FAAH2: variants seen among roughly 807,000 people sequenced by gnomAD.
The protein encoded by FAAH2 is fatty acid amide hydrolase 2.
FAAH2 carries 60 observed loss-of-function variants against 36.9 expected under a neutral mutation model. The observed-to-expected ratio is 1.63, with a 90% CI of 1.32 to 2.02. The LOEUF is 2.02. FAAH2 is among the 30% of genes most tolerant of loss of function. FAAH2 has a pLI of 0.00. For missense variants in FAAH2, 689 were observed against 397.5 expected (o/e 1.73, Z -6.23); for synonymous variants, 214 against 143.8 (o/e 1.49, Z -3.49).
At chrX:57,139,254 A>T in the FAAH2 span, among the ~76,000 whole-genome samples, 4 of 112,265 alleles carry the variant, frequency 3.6e-5, no homozygotes, top group Non-Finnish European at 7.5e-5. Flanking sequence ...AGATATGTCT[A>T]GTTTCATTCT....
chrX:57,257,254 G>T, the FAAH2 span, among the ~76,000 whole-genome samples: 1 of 111,951 alleles, frequency 8.9e-6, no homozygotes, highest in Non-Finnish European at 1.9e-5. Flanking sequence ...TATTTTTATT[G>T]TGGTACTATT....
the FAAH2 span, among the ~76,000 whole-genome samples, chrX:57,238,003 A>G: frequency 9.0e-6 from 1 of 111,703 alleles, no homozygotes; most frequent in Non-Finnish European, 1.9e-5. Flanking sequence ...CATAGCAGGT[A>G]TTGGCAAGGT....
At chrX:57,213,466 T>A in the FAAH2 span, among the ~76,000 whole-genome samples, 2 of 111,992 alleles carry the variant, frequency 1.8e-5, no homozygotes. Flanking sequence ...ATGCATTTAA[T>A]GCTATAAACT....
intron 10 of FAAH2, among the ~76,000 whole-genome samples, chrX:57,466,156 C>CTCTCTCTATATATATATATATATATATA (rs1287266105): frequency 1.5e-5 from 1 of 66,415 alleles, no homozygotes; most frequent in African/African-American, 5.9e-5. Context: ...CTCTCTCTCT[C>CTCTCTCTATATATATATATATATATATA]TATATATATA....
chrX:57,416,023 G>C (rs2055833366), intron 7 of FAAH2, among the ~76,000 whole-genome samples: 1 of 111,058 alleles, frequency 9.0e-6, no homozygotes, highest in Admixed American at 9.7e-5. Context: ...TTTAAAATCT[G>C]TTTTATTAGA....
chrX:57,300,221 AG>A (rs1378746410), intron 2 of FAAH2, among the ~76,000 whole-genome samples: 1 of 111,875 alleles, frequency 8.9e-6, no homozygotes, highest in Non-Finnish European at 1.9e-5. Context: ...ACAAGGCTAC[AG>A]TAATCAAAAC....
At chrX:57,482,445 C>T (rs2057396883) in intron 10 of FAAH2, among the ~76,000 whole-genome samples, 1 of 111,567 alleles carries the variant, frequency 9.0e-6, no homozygotes, top group Non-Finnish European at 1.9e-5. Flanking sequence ...GCATAGTAAC[C>T]TAGCTGGGTA....
At chrX:57,448,780 G>A in intron 10 of FAAH2, 62 bp downstream of exon 10, 2 of 1,085,056 alleles carry the variant, frequency 1.8e-6, no homozygotes, top group East Asian at 3.0e-5. Flanking sequence ...TGTTTCCAAG[G>A]AAAGCATAAT....
chrX:57,267,585 G>A, the FAAH2 span, among the ~76,000 whole-genome samples: 1 of 112,097 alleles, frequency 8.9e-6, no homozygotes, highest in African/African-American at 3.2e-5. Context: ...CCCACAGGGA[G>A]GCAGGTACCC....
intron 5 of FAAH2, among the ~76,000 whole-genome samples, chrX:57,361,218 T>G (rs968373638): frequency 8.9e-6 from 1 of 111,974 alleles, no homozygotes; most frequent in African/African-American, 3.2e-5. Context: ...GATTTTTTAT[T>G]TTTCCATGGC....
chrX:57,244,797 G>A, the FAAH2 span, among the ~76,000 whole-genome samples: 2 of 111,506 alleles, frequency 1.8e-5, no homozygotes, highest in African/African-American at 3.3e-5. Flanking sequence ...AAAGACCATG[G>A]ACACTATGAA....
chrX:57,205,255 T>C, the FAAH2 span, among the ~76,000 whole-genome samples: 12 of 112,803 alleles, frequency 1.1e-4, no homozygotes, highest in African/African-American at 3.5e-4. Context: ...GGTAATGCTG[T>C]ATCTGCTTTT....
intron 7 of FAAH2, among the ~76,000 whole-genome samples, chrX:57,415,773 A>G (rs1184742400): frequency 2.7e-5 from 3 of 110,858 alleles, no homozygotes; most frequent in South Asian, 3.8e-4. Context: ...CAAGTCCTGA[A>G]CATCCCTGTT....
chrX:57,328,660 G>T (rs1232423050), intron 3 of FAAH2, among the ~76,000 whole-genome samples: 1 of 112,061 alleles, frequency 8.9e-6, no homozygotes, highest in East Asian at 2.8e-4. Flanking sequence ...CAGAGTTCTT[G>T]TGCTGGTTCT....
intron 7 of FAAH2, among the ~76,000 whole-genome samples, chrX:57,397,509 C>T (rs952644267): frequency 2.7e-5 from 3 of 110,944 alleles, no homozygotes; most frequent in African/African-American, 6.6e-5. Context: ...AAGTACTTTA[C>T]GTTTTTTCAT....
intron 7 of FAAH2, among the ~76,000 whole-genome samples, chrX:57,421,791 T>C (rs1421036378): frequency 8.9e-6 from 1 of 112,074 alleles, no homozygotes; most frequent in Non-Finnish European, 1.9e-5. Context: ...ACACTTCATT[T>C]GCTGTGAAAT....
chrX:57,346,017 T>C (rs1168704575), intron 5 of FAAH2, among the ~76,000 whole-genome samples: 1 of 111,526 alleles, frequency 9.0e-6, no homozygotes, highest in African/African-American at 3.3e-5. Context: ...TTTTTTGAAT[T>C]TATTGAGACT....
At chrX:57,252,091 C>G in the FAAH2 span, among the ~76,000 whole-genome samples, 4 of 112,708 alleles carry the variant, frequency 3.5e-5, 1 homozygote, top group African/African-American at 1.3e-4. Flanking sequence ...TTGGTGGTTC[C>G]CACACCCACA....
intron 10 of FAAH2, among the ~76,000 whole-genome samples, chrX:57,478,870 A>T (rs141169503): frequency 9.0e-6 from 1 of 111,688 alleles, no homozygotes; most frequent in African/African-American, 3.3e-5. Flanking sequence ...TACCAATACC[A>T]TGCTGTTTTG....
Sources: allele counts gnomAD v4.1 joint callset (sites outside exome capture counted in the v4.1 genomes callset), GRCh38; gene constraint gnomAD v4.1.1; transcripts MANE v1.5; gene names NCBI Gene and HGNC (gene_info 2026-07-23, HGNC 2026-07-21).